Variants in NAV2 observed in about 807,000 individuals in gnomAD.
The protein encoded by NAV2 is helicase, APC down-regulated 1.
In NAV2, 54 loss-of-function variants were observed where a neutral mutation model predicts 223.2. The ratio of observed to expected loss-of-function variants is 0.24; its 90% confidence interval spans 0.19 to 0.30. The LOEUF (loss-of-function observed/expected upper bound fraction) is 0.30, where lower values mean the gene tolerates loss of function less well. Ranked by LOEUF, NAV2 falls within the 10% of genes least tolerant of loss-of-function variation. The pLI, the probability that NAV2 is intolerant of heterozygous loss-of-function variation, is 1.00. For missense variants in NAV2, 2,806 were observed against 3,147.5 expected, an observed-to-expected ratio of 0.89 and a Z score of 2.60; for synonymous variants, 1,279 against 1,239.3, an observed-to-expected ratio of 1.03 and a Z score of -0.67.
intron 6 of NAV2, among the ~76,000 whole-genome samples, chr11:19,914,095 T>C (rs1326546065): frequency 6.7e-6 from 1 of 150,342 alleles, no homozygotes; most frequent in Non-Finnish European, 1.5e-5. Context: ...ACATCTGCCA[T>C]AGCAGGAGTA....
intron 15 of NAV2, among the ~76,000 whole-genome samples, chr11:20,049,491 G>A (rs1332238521): frequency 6.6e-6 from 1 of 151,730 alleles, no homozygotes; most frequent in East Asian, 2.0e-4. Context: ...GTTTTATCCT[G>A]TTTGTTCATC....
At chr11:19,392,101 T>C (rs1849271084) in intron 1 of NAV2, among the ~76,000 whole-genome samples, 2 of 152,228 alleles carry the variant, frequency 1.3e-5, no homozygotes, top group South Asian at 4.1e-4. Context: ...ACTCTCCTTT[T>C]ACTTTGATGA....
At chr11:19,672,115 G>A (rs1334047384) in intron 1 of NAV2, among the ~76,000 whole-genome samples, 1 of 152,202 alleles carries the variant, frequency 6.6e-6, no homozygotes, top group East Asian at 1.9e-4. Flanking sequence ...GGAACAGCAA[G>A]CCAGGGGATG....
intron 9 of NAV2, 24 bp downstream of exon 9, chr11:19,946,533 A>G: frequency 1.3e-6 from 2 of 1,584,478 alleles, no homozygotes; most frequent in Non-Finnish European, 1.7e-6. Context: ...GAATTACTTT[A>G]CTGAACTACC....
rs554963884 is a variant in NAV2 at position 19,933,279 on chromosome 11, C to T, written c.1035C>T (p.Ser345=). ...SSSTPTNCST[S]SAIPQPGAAT... Reference sequence around the variant, plus strand: ...CCACCCCTACTAATTGCAGTACCTCCTCGGCCATCCCGCAGCCCGGTGCAG... The same window carrying T: ...CCACCCCTACTAATTGCAGTACCTCTTCGGCCATCCCGCAGCCCGGTGCAG... Residue 345 remains serine (S), a synonymous_variant, in exon 7 of 38, where the codon TCC becomes TCT. Coordinates refer to ENST00000349880, the MANE Select transcript of NAV2 (RefSeq NM_145117.5). The surrounding 1 kb of genome is among the most constrained non-coding windows in gnomAD (Gnocchi z 4.3). 1.2e-6 allele frequency: 2 copies of T among 1,613,408 alleles called. No homozygotes were observed. Among genetic ancestry groups the T allele is most frequent in the South Asian group, 1.1e-5 (1 of 90,982 alleles).
At chr11:19,820,491 A>G (rs2059312605) in intron 1 of NAV2, among the ~76,000 whole-genome samples, 2 of 152,178 alleles carry the variant, frequency 1.3e-5, no homozygotes, top group Non-Finnish European at 2.9e-5. Flanking sequence ...AAGGGACTCA[A>G]TTTTGTTCTG....
chr11:19,850,188 C>T (rs900096820), intron 3 of NAV2, among the ~76,000 whole-genome samples: 33 of 152,200 alleles, frequency 2.2e-4, no homozygotes, highest in African/African-American at 7.5e-4. Context: ...TTGCCCCTTC[C>T]TGGGCAGTGT....
At chr11:19,907,538 A>T (rs757118462) in intron 6 of NAV2, among the ~76,000 whole-genome samples, 5 of 151,844 alleles carry the variant, frequency 3.3e-5, no homozygotes, top group Admixed American at 6.6e-5. Context: ...GGGAGGGGGA[A>T]TTTGAGACAG....
chr11:20,057,084 C>G (rs1285204091), intron 19 of NAV2, among the ~76,000 whole-genome samples: 1 of 152,088 alleles, frequency 6.6e-6, no homozygotes, highest in Non-Finnish European at 1.5e-5. Context: ...CTGGTTGTCC[C>G]TTTGTTGCCA....
intron 1 of NAV2, among the ~76,000 whole-genome samples, chr11:19,620,802 A>G (rs2046969301): frequency 1.3e-5 from 2 of 152,130 alleles, no homozygotes; most frequent in Admixed American, 6.5e-5. Flanking sequence ...ACTATGTTGA[A>G]TAGGAGTGGT....
chr11:19,722,549 C>T (rs996696477), intron 1 of NAV2, among the ~76,000 whole-genome samples: 1 of 152,200 alleles, frequency 6.6e-6, no homozygotes, highest in South Asian at 2.1e-4. Flanking sequence ...AGCCCCTCAG[C>T]TTGGACTGCG....
chr11:19,544,376 G>A (rs1483936016), intron 1 of NAV2, among the ~76,000 whole-genome samples: 2 of 152,254 alleles, frequency 1.3e-5, no homozygotes, highest in South Asian at 2.1e-4. Context: ...CCACCATAAA[G>A]ATCAGGTTCA....
At chr11:19,978,403 G>A (rs567059685) in intron 10 of NAV2, among the ~76,000 whole-genome samples, 21 of 152,236 alleles carry the variant, frequency 1.4e-4, no homozygotes, top group African/African-American at 2.6e-4. Context: ...AGGGCTTTTC[G>A]TCAGCCCCCA....
At chr11:19,648,555 G>C (rs2047879925) in intron 1 of NAV2, among the ~76,000 whole-genome samples, 1 of 152,210 alleles carries the variant, frequency 6.6e-6, no homozygotes, top group South Asian at 2.1e-4. Context: ...CAGAAGCCCA[G>C]TCCACACTGG....
intron 1 of NAV2, among the ~76,000 whole-genome samples, chr11:19,630,056 A>C (rs2047301190): frequency 6.6e-6 from 1 of 150,652 alleles, no homozygotes; most frequent in Non-Finnish European, 1.5e-5. Flanking sequence ...AATGCGACCT[A>C]TGTTCCCCCA....
chr11:20,011,694 G>T (rs1259285395), intron 11 of NAV2, among the ~76,000 whole-genome samples: 1 of 152,216 alleles, frequency 6.6e-6, no homozygotes, highest in Non-Finnish European at 1.5e-5. Flanking sequence ...TCTAAAAAAT[G>T]AGAGATGTTT....
intron 10 of NAV2, among the ~76,000 whole-genome samples, chr11:19,953,071 C>T (rs980575867): frequency 5.9e-5 from 9 of 152,150 alleles, no homozygotes; most frequent in African/African-American, 1.9e-4. Context: ...TCTAAAAATT[C>T]AAAGTGCCAT....
rs138803902 is a variant in NAV2, at chr11:20,086,114, G to C, written c.5498+2935G>C. 1.8e-3 allele frequency among the ~76,000 whole-genome samples: 268 copies of C among 152,346 alleles called. 13 individuals are homozygous for C. In the East Asian group the frequency reaches 0.03, roughly 17 times the overall value. On this transcript the variant is annotated intron_variant, in intron 26 of 37. Transcript: ENST00000349880. ...GGCTACAGCCACAGACATAGTCAGG[G>C]CCTAGAACACGCAAGGCTTTGAAGT... is the stretch of plus-strand genomic sequence containing the variant.
intron 6 of NAV2, among the ~76,000 whole-genome samples, chr11:19,896,744 AT>A (rs2042014615): frequency 6.6e-6 from 1 of 152,218 alleles, no homozygotes; most frequent in African/African-American, 2.4e-5. Flanking sequence ...TGACAAAAAT[AT>A]TTCAACATTT....
Sources: allele counts gnomAD v4.1 joint callset (sites outside exome capture counted in the v4.1 genomes callset), GRCh38; gene constraint gnomAD v4.1.1; non-coding constraint Gnocchi (gnomAD v3.1); transcripts MANE v1.5; gene names NCBI Gene and HGNC (gene_info 2026-07-23, HGNC 2026-07-21).